Variants in IRAK2 observed in about 807,000 individuals in gnomAD.
IRAK2 encodes interleukin 1 receptor associated kinase 2.
IRAK2 carries 57 observed loss-of-function variants against 72.0 expected under a neutral mutation model. The ratio of observed to expected loss-of-function variants is 0.79; its 90% CI spans 0.64 to 0.99. The LOEUF is 0.99. Among genes scored for constraint, IRAK2 ranks in the 50% least tolerant of loss-of-function variants. The probability of loss-of-function intolerance (pLI) is 0.00; values close to 1 mark genes in which losing one functional copy is unlikely to be tolerated. For synonymous variants in IRAK2, 293 were observed against 312.7 expected (o/e 0.94, Z 0.67); for missense variants, 790 against 794.4 (o/e 0.99, Z 0.07).
chr3:10,190,485 A>T (rs1171299337), intron 2 of IRAK2, among the ~76,000 whole-genome samples: 3 of 151,920 alleles, frequency 2.0e-5, no homozygotes, highest in Admixed American at 1.3e-4. Flanking sequence ...GGCTAAGGAC[A>T]GGTCACTTGA....
At chr3:10,221,248 A>ATT (rs34742796) in intron 8 of IRAK2, among the ~76,000 whole-genome samples, 921 of 89,660 alleles carry the variant, frequency 0.01, 19 homozygotes, top group East Asian at 0.064. Flanking sequence ...AAAAAAAAAA[A>ATT]TTTTTTTTTT....
chr3:10,186,159 T>G (rs1181256983), intron 2 of IRAK2, among the ~76,000 whole-genome samples: 1 of 151,736 alleles, frequency 6.6e-6, no homozygotes, highest in East Asian at 1.9e-4. Flanking sequence ...CATTATTCTC[T>G]GTGGCCTTAT....
At chr3:10,231,136 G>A (rs1697856077) in intron 10 of IRAK2, among the ~76,000 whole-genome samples, 1 of 151,964 alleles carries the variant, frequency 6.6e-6, no homozygotes, top group Non-Finnish European at 1.5e-5. Context: ...ACAGCTTTTA[G>A]GATACTGTTA....
intron 2 of IRAK2, among the ~76,000 whole-genome samples, chr3:10,199,300 G>T (rs2125151110): frequency 6.6e-6 from 1 of 152,278 alleles, no homozygotes; most frequent in South Asian, 2.1e-4. Context: ...AAAAGGAAAT[G>T]ATTACCCTCG....
At chr3:10,165,314 C>T (rs1696664293) in intron 1 of IRAK2, among the ~76,000 whole-genome samples, 2 of 152,186 alleles carry the variant, frequency 1.3e-5, no homozygotes, top group Admixed American at 6.6e-5. Flanking sequence ...CGGGGGCCCT[C>T]CTGTCAGCGC....
In IRAK2 at chr3:10,180,485, G is replaced by A. The variant is rs1171719207; in HGVS notation, c.277+2465G>A. On this transcript the variant is annotated intron_variant, in intron 2 of 12. Coordinates refer to ENST00000256458, the MANE Select transcript of IRAK2 (RefSeq NM_001570.4). ...GGATGTGAACCTAGAGGAATAGGAA[G>A]AAGACAGCCACATGACGCATTGGGT... 2.0e-5 allele frequency among the ~76,000 whole-genome samples: 3 copies of A among 152,294 alleles called. No homozygotes were observed. The East Asian group carries it at 5.8e-4, about 29-fold the overall frequency.
At chr3:10,214,391 CTTTTTTTTTT>C (rs534445139) in intron 6 of IRAK2, among the ~76,000 whole-genome samples, 2 of 95,410 alleles carry the variant, frequency 2.1e-5, no homozygotes, top group Non-Finnish European at 4.0e-5. Flanking sequence ...TCATTTTTTG[CTTTTTTTTTT>C]TTTTTTTTTT....
At chr3:10,233,690 A>G (rs1014633448) in intron 10 of IRAK2, among the ~76,000 whole-genome samples, 1 of 152,204 alleles carries the variant, frequency 6.6e-6, no homozygotes, top group Non-Finnish European at 1.5e-5. Flanking sequence ...ATAAGATTAA[A>G]TTATTAAGTG....
intron 1 of IRAK2, among the ~76,000 whole-genome samples, chr3:10,171,176 A>G (rs568279443): frequency 6.6e-5 from 10 of 152,254 alleles, no homozygotes; most frequent in Admixed American, 5.2e-4. Context: ...CTTCAGCCCC[A>G]GGTGTGTGCA....
chr3:10,178,101 C>T, intron 2 of IRAK2, 81 bp downstream of exon 2: 2 of 1,142,048 alleles, frequency 1.8e-6, no homozygotes, highest in South Asian at 1.5e-5. Flanking sequence ...CACTCTCTGG[C>T]CTTAATACTT....
At chr3:10,219,813 G>T (rs776905362) in intron 8 of IRAK2, 24 bp downstream of exon 8, 2 of 1,540,618 alleles carry the variant, frequency 1.3e-6, no homozygotes, top group Non-Finnish European at 1.8e-6. Context: ...GCTGGACCCT[G>T]CTGGGGCCTG....
chr3:10,229,785 CACAA>C (rs1697831737), intron 10 of IRAK2, among the ~76,000 whole-genome samples: 1 of 152,118 alleles, frequency 6.6e-6, no homozygotes, highest in Admixed American at 6.6e-5. Flanking sequence ...ATAAAGCCAA[CACAA>C]ACATTCTTAT....
Position 10,219,661 on chromosome 3 carries a change from C to G in IRAK2, c.904-19C>G, listed in dbSNP as rs369306211. The stretch of plus-strand genomic sequence containing the variant: ...AGGTACATTGTGACTATTTGTCCTC[C>G]TGCTTTTCTTTCTCTTAGGGTGGCT... On this transcript the variant is annotated intron_variant, in intron 7 of 12. Transcript: ENST00000256458. The G allele has an allele frequency of 6.3e-7, 1 of 1,590,594 alleles. No homozygotes were observed. The highest frequency in any genetic ancestry group is 2.2e-5 in the East Asian group (1 of 44,698).
chr3:10,169,188 A>G (rs1696751107), intron 1 of IRAK2, among the ~76,000 whole-genome samples: 1 of 152,210 alleles, frequency 6.6e-6, no homozygotes, highest in African/African-American at 2.4e-5. Context: ...GGGCAATAAA[A>G]GATCACAAGG....
intron 1 of IRAK2, among the ~76,000 whole-genome samples, chr3:10,166,675 C>G (rs1466882962): frequency 6.6e-6 from 1 of 152,162 alleles, no homozygotes; most frequent in African/African-American, 2.4e-5. Context: ...GAGACAGTCT[C>G]ATTCTGTGGC....
At chr3:10,219,613 TG>T in intron 7 of IRAK2, 66 bp from the exon 8 acceptor site, 1 of 1,244,030 alleles carries the variant, frequency 8.0e-7, no homozygotes, top group Non-Finnish European at 1.2e-6. Context: ...CCACCGCACC[TG>T]GCTGCCATCA....
chr3:10,226,504 C>A, intron 10 of IRAK2, 71 bp downstream of exon 10: 2 of 1,246,454 alleles, frequency 1.6e-6, no homozygotes, highest in South Asian at 1.3e-5. Flanking sequence ...GGGCAACGAC[C>A]TCAATTCTAG....
At chr3:10,212,763 C>CTTTTTTT (rs543464447) in intron 4 of IRAK2, among the ~76,000 whole-genome samples, 5 of 125,984 alleles carry the variant, frequency 4.0e-5, no homozygotes, top group Admixed American at 8.4e-5. Context: ...TATCCATGTC[C>CTTTTTTT]TTTTTTTTTT....
intron 1 of IRAK2, among the ~76,000 whole-genome samples, chr3:10,176,507 T>C (rs1696876807): frequency 6.6e-6 from 1 of 151,976 alleles, no homozygotes; most frequent in African/African-American, 2.4e-5. Context: ...AGACAGAGTC[T>C]CTCTCTGTCT....
Sources: gnomAD v4.1 joint callset for allele counts (sites outside exome capture counted in the v4.1 genomes callset) on GRCh38, gnomAD v4.1.1 for gene constraint, MANE v1.5 for transcripts, NCBI Gene and HGNC (gene_info 2026-07-23, HGNC 2026-07-21) for gene names.